RET: variants seen among roughly 807,000 people sequenced by gnomAD.
RET encodes proto-oncogene tyrosine-protein kinase receptor Ret.
Under a neutral mutation model 118.3 loss-of-function variants are expected in RET, and 19 were observed. The observed-to-expected ratio is 0.16, with a 90% confidence interval of 0.11 to 0.24. RET has a LOEUF of 0.24. RET is among the 10% of genes least tolerant of loss of function. The pLI, the probability that RET is intolerant of heterozygous loss-of-function variation, is 1.00. For missense variants in RET, 1,219 were observed against 1,502.1 expected, an observed-to-expected ratio of 0.81 and a Z score of 3.12; for synonymous variants, 597 against 644.1, an observed-to-expected ratio of 0.93 and a Z score of 1.11.
At position 43,118,488 on chromosome 10, in the gene RET, C is replaced by T. The variant is rs1838127035; in HGVS notation, c.2392+8C>T. ...GGGCCTGCAGCCAGGATGGTAAGGC[C>T]AGCTGCAGGGTGAGGTGGGCAGCCA... On this transcript the variant is annotated splice_region_variant and intron_variant, in intron 13 of 19. Coordinates refer to ENST00000355710, the MANE Select transcript of RET (RefSeq NM_020975.6). 1.2e-6 allele frequency: 2 copies of T among 1,608,130 alleles called. No homozygotes were observed. Among genetic ancestry groups the T allele is most frequent in the South Asian group, 2.2e-5 (2 of 90,966 alleles).
intron 14 of RET, 51 bp from the exon 15 acceptor site, chr10:43,120,030 A>C (rs2132956829): frequency 6.2e-7 from 1 of 1,608,230 alleles, no homozygotes; most frequent in Non-Finnish European, 8.5e-7. Flanking sequence ...TGAGCCAGTG[A>C]CCGCTGCTGC....
At chr10:43,118,250 C>A in intron 12 of RET, 123 bp from the exon 13 acceptor site, 1 of 771,030 alleles carries the variant, frequency 1.3e-6, no homozygotes, top group Non-Finnish European at 2.3e-6. Flanking sequence ...CAAGCAGCAT[C>A]GTCTTTGCAG....
At chr10:43,081,845 GT>G (rs893293293) in intron 1 of RET, among the ~76,000 whole-genome samples, 2 of 152,204 alleles carry the variant, frequency 1.3e-5, no homozygotes, top group Admixed American at 6.5e-5. Flanking sequence ...TTGATTCTTT[GT>G]CCCCTGAGGC....
rs779889311 is a variant in RET at position 43,113,599 on chromosome 10, G to T, written c.1803G>T (p.Gly601=). The change falls in exon 10 of 20, where the codon GGG becomes GGT. Residue 601 remains glycine, a synonymous_variant. Transcript: ENST00000355710. ...VGGHEPGEPR[G]IKAGYGTCNC... ...GACACGAGCCTGGGGAGCCCCGGGG[G>T]ATTAAAGCTGGCTATGGCACCTGCA... is the stretch of plus-strand genomic sequence containing the variant. 6.2e-7 allele frequency: 1 copy of T among 1,612,368 alleles called. No homozygotes were observed. The highest frequency in any genetic ancestry group is 8.5e-7 in the Non-Finnish European group (1 of 1,179,508).
Position 43,112,948 on chromosome 10 carries a change from C to T in RET, c.1744C>T (p.Pro582Ser). The T allele has an allele frequency of 6.2e-7, 1 of 1,614,004 alleles. No individual in the cohort carries two copies. The highest frequency in any genetic ancestry group is 1.1e-5 in the South Asian group (1 of 91,074). The change falls in exon 9 of 20, where the codon CCT (proline) becomes TCT (serine). Residue 582 changes from proline (P) to serine (S), a missense_variant. By Grantham distance (74) the Pro-to-Ser change is moderately conservative (BLOSUM62 -1). This residue lies in a region of RET where 850 missense variants were observed against 969.6 expected (regional missense o/e 0.88). Coordinates refer to ENST00000355710, the MANE Select transcript of RET (RefSeq NM_020975.6). ...VVETQDINIC[P>S]QDCLRGSIVG... is the part of the protein sequence containing the mutation. ...GGAGACCCAAGACATCAACATTTGCCCTCAGGACTGCCTCCGTAAGCAGGG... is the reference window on the plus strand; with the variant it reads ...GGAGACCCAAGACATCAACATTTGCTCTCAGGACTGCCTCCGTAAGCAGGG...
chr10:43,118,687 C>A, intron 13 of RET, among the ~76,000 whole-genome samples: 1 of 152,258 alleles, frequency 6.6e-6, no homozygotes, highest in Non-Finnish European at 1.5e-5. Context: ...ATCAGAGGGG[C>A]CCCGCGCTAG....
intron 1 of RET, among the ~76,000 whole-genome samples, chr10:43,094,492 T>G (rs959681207): frequency 1.3e-5 from 2 of 152,218 alleles, no homozygotes; most frequent in Non-Finnish European, 1.5e-5. Flanking sequence ...TTTCGGCCCT[T>G]GTGCTGCCAT....
intron 1 of RET, among the ~76,000 whole-genome samples, chr10:43,084,684 C>G (rs899481871): frequency 6.6e-6 from 1 of 152,164 alleles, no homozygotes; most frequent in African/African-American, 2.4e-5. Context: ...GTGGATTCGT[C>G]TGATTCCTCA....
At chr10:43,085,108 G>A (rs1837262275) in intron 1 of RET, among the ~76,000 whole-genome samples, 1 of 152,244 alleles carries the variant, frequency 6.6e-6, no homozygotes, top group African/African-American at 2.4e-5. Flanking sequence ...ATGGAGCTGG[G>A]GGGCCCTGAA....
At chr10:43,119,837 C>A in intron 14 of RET, 92 bp downstream of exon 14, 1 of 1,403,188 alleles carries the variant, frequency 7.1e-7, no homozygotes, top group Non-Finnish European at 9.9e-7. Flanking sequence ...GCCTGCCACT[C>A]CCCCACCATG....
At chr10:43,097,486 T>C (rs536290385) in intron 1 of RET, among the ~76,000 whole-genome samples, 12 of 152,146 alleles carry the variant, frequency 7.9e-5, no homozygotes, top group Non-Finnish European at 1.6e-4. Context: ...GGTAAGAACA[T>C]GGACCCCACT....
intron 1 of RET, among the ~76,000 whole-genome samples, chr10:43,078,425 A>C (rs1050750738): frequency 3.3e-5 from 5 of 152,180 alleles, no homozygotes; most frequent in Non-Finnish European, 5.9e-5. Context: ...GGCCTGCCTG[A>C]GACTTCATTT....
chr10:43,088,150 G>A (rs1172070821), intron 1 of RET, among the ~76,000 whole-genome samples: 1 of 151,538 alleles, frequency 6.6e-6, no homozygotes, highest in Non-Finnish European at 1.5e-5. Flanking sequence ...GGCAGTTGTG[G>A]TGGTGATGGT....
chr10:43,083,447 G>C (rs1411889276), intron 1 of RET, among the ~76,000 whole-genome samples: 1 of 152,192 alleles, frequency 6.6e-6, no homozygotes, highest in African/African-American at 2.4e-5. Flanking sequence ...TACCCACTGG[G>C]TGGCCACACC....
In RET at chr10:43,110,091, C is replaced by T. The variant is rs528100822; in HGVS notation, c.1263+861C>T. On this transcript the variant is annotated intron_variant, in intron 6 of 19. Coordinates refer to ENST00000355710, the MANE Select transcript of RET (RefSeq NM_020975.6). Reference sequence around the variant, plus strand: ...CACCCTTGGACATATCTAAGCTCCCCGACCACCTCCTTGGCCTTTAATGGG... The same window carrying T: ...CACCCTTGGACATATCTAAGCTCCCTGACCACCTCCTTGGCCTTTAATGGG... Among the ~76,000 whole-genome samples, 824 of 152,254 alleles carry T rather than the reference C, an allele frequency of 5.4e-3. 11 individuals are homozygous for T. The highest frequency in any genetic ancestry group is 0.019 in the African/African-American group (797 of 41,542).
intron 1 of RET, among the ~76,000 whole-genome samples, chr10:43,099,077 C>G (rs190273945): frequency 2.0e-4 from 31 of 152,208 alleles, no homozygotes; most frequent in Admixed American, 6.5e-4. Context: ...TGGCCACACA[C>G]AGTCAGCAGC....
rs377767425 is a variant in RET, at chr10:43,119,673, C to T, written c.2535C>T (p.Ala845=). 1.2e-6 allele frequency: 2 copies of T among 1,613,442 alleles called. No individual in the cohort carries two copies. The highest frequency in any genetic ancestry group is 1.7e-5 in the Admixed American group (1 of 60,030). The change falls in exon 14 of 20, where the codon GCC becomes GCT. Residue 845 remains alanine (A), a synonymous_variant. Transcript: ENST00000355710. ...CCCTGGACCACCCGGATGAGCGGGC[C>T]CTCACCATGGGCGACCTCATCTCAT... The part of the protein sequence containing the change: ...SSSLDHPDER[A]LTMGDLISFA...
rs2132950497 is a variant in RET, at chr10:43,119,712, C to A, written c.2574C>A (p.Ile858=). 2 of 1,613,520 alleles carry A rather than the reference C, an allele frequency of 1.2e-6. No individual in the cohort carries two copies. Among genetic ancestry groups the A allele is most frequent in the Non-Finnish European group, 1.7e-6 (2 of 1,179,946 alleles). The part of the protein sequence containing the change: ...MGDLISFAWQ[I]SQGMQYLAEM... Reference sequence around the variant, plus strand: ...ACCTCATCTCATTTGCCTGGCAGATCTCACAGGGGATGCAGTATCTGGCCG... The same window carrying A: ...ACCTCATCTCATTTGCCTGGCAGATATCACAGGGGATGCAGTATCTGGCCG... Residue 858 remains isoleucine, a synonymous_variant, in exon 14 of 20, where the codon ATC becomes ATA. Coordinates refer to ENST00000355710, the MANE Select transcript of RET (RefSeq NM_020975.6).
intron 1 of RET, among the ~76,000 whole-genome samples, chr10:43,096,070 C>T (rs1837517617): frequency 6.6e-6 from 1 of 152,218 alleles, no homozygotes; most frequent in South Asian, 2.1e-4. Flanking sequence ...CAAAGCTGTC[C>T]AGGCAGACAC....
Sources: gnomAD v4.1 joint callset for allele counts (sites outside exome capture counted in the v4.1 genomes callset) on GRCh38, gnomAD v4.1.1 for gene constraint, gnomAD v4.1.1 regional missense constraint, MANE v1.5 for transcripts, NCBI Gene and HGNC (gene_info 2026-07-23, HGNC 2026-07-21) for gene names.